Variants in ACTR3C observed in about 807,000 individuals in gnomAD.
ACTR3C encodes actin related protein 3C.
ACTR3C carries 18 observed loss-of-function variants against 26.3 expected under a neutral mutation model. The ratio of observed to expected loss-of-function variants is 0.68; its 90% CI spans 0.47 to 1.01. The LOEUF (loss-of-function observed/expected upper bound fraction) is 1.01, where lower values mean the gene tolerates loss of function less well. Ranked by LOEUF, ACTR3C falls within the 50% of genes least tolerant of loss-of-function variation. ACTR3C has a pLI of 0.00. For synonymous variants in ACTR3C, 55 were observed against 94.5 expected, an observed-to-expected ratio of 0.58 and a Z score of 2.42; for missense variants, 184 against 250.7, an observed-to-expected ratio of 0.73 and a Z score of 1.80.
Position 150,300,280 on chromosome 7 carries a change from A to G in ACTR3C, c.-51-4933T>C, listed in dbSNP as rs546804406. Reference sequence around the variant, plus strand: ...GGCAGGGGAATTGCTTGAACCCGGGAGGCGGAGGTTGCGGTGAGCTGAGAT... The same window carrying G: ...GGCAGGGGAATTGCTTGAACCCGGGGGGCGGAGGTTGCGGTGAGCTGAGAT... On this transcript the variant is annotated intron_variant, in intron 1 of 7. Transcript: ENST00000683684. Among the ~76,000 whole-genome samples, 348 of 152,192 alleles carry G rather than the reference A, an allele frequency of 2.3e-3. 1 individual carries two copies. The highest frequency in any genetic ancestry group is 8.0e-3 in the African/African-American group (334 of 41,512).
the ACTR3C span, among the ~76,000 whole-genome samples, chr7:150,071,008 A>T: frequency 1.4e-5 from 2 of 143,478 alleles, no homozygotes; most frequent in African/African-American, 2.6e-5. Context: ...GTTAGCCAGG[A>T]TGGTCTCGAT....
the ACTR3C span, among the ~76,000 whole-genome samples, chr7:150,080,517 T>G: frequency 0.74 from 110,514 of 148,924 alleles, 40,417 homozygotes; most frequent in East Asian, 0.81. Context: ...GTATGAGTGT[T>G]TGTGTGTGTA....
At chr7:150,064,352 C>G in the ACTR3C span, among the ~76,000 whole-genome samples, 3 of 146,654 alleles carry the variant, frequency 2.0e-5, no homozygotes, top group African/African-American at 7.6e-5. Flanking sequence ...GTCAGGAGTT[C>G]GAGACCAGCC....
intron 1 of ACTR3C, among the ~76,000 whole-genome samples, chr7:150,296,578 T>C (rs943045211): frequency 8.6e-4 from 128 of 148,528 alleles, no homozygotes; most frequent in Non-Finnish European, 1.7e-3. Context: ...AATATGGGTC[T>C]ATATCTCGTA....
Position 150,250,309 on chromosome 7 carries a change from C to T in ACTR3C, c.565-1255G>A, listed in dbSNP as rs1382337949. Among the ~76,000 whole-genome samples the T allele has an allele frequency of 4.2e-3, 626 of 150,118 alleles. 6 individuals carry two copies. The highest frequency in any genetic ancestry group is 5.5e-3 in the Non-Finnish European group (374 of 67,728). On this transcript the variant is annotated intron_variant, in intron 6 of 7. Transcript: ENST00000683684. ...AGCTCTGCCTCCCGGGTTCACGCCA[C>T]TCTCCTGCCTCAGCCTCCCGAGTAG...
chr7:150,100,535 C>T, the ACTR3C span, among the ~76,000 whole-genome samples: 9 of 151,796 alleles, frequency 5.9e-5, no homozygotes, highest in Non-Finnish European at 1.2e-4. Context: ...AATCATAAAA[C>T]ATATTTGTGC....
intron 1 of ACTR3C, among the ~76,000 whole-genome samples, chr7:150,319,506 C>T (rs1330047173): frequency 6.6e-6 from 1 of 152,130 alleles, no homozygotes; most frequent in African/African-American, 2.4e-5. Context: ...CTCGCCTGGC[C>T]CAGAACAAAC....
chr7:150,213,188 T>A, the ACTR3C span, among the ~76,000 whole-genome samples: 2 of 152,114 alleles, frequency 1.3e-5, no homozygotes, highest in African/African-American at 4.8e-5. Context: ...TTAAAAAAAA[T>A]TCCCTTCTTA....
chr7:150,186,782 TAATA>T, the ACTR3C span, among the ~76,000 whole-genome samples: 52 of 152,322 alleles, frequency 3.4e-4, no homozygotes, highest in South Asian at 3.1e-3. Context: ...AATACTTGTT[TAATA>T]AATAAATGCC....
At chr7:149,957,900 G>A in the ACTR3C span, among the ~76,000 whole-genome samples, 6 of 152,092 alleles carry the variant, frequency 3.9e-5, no homozygotes, top group Non-Finnish European at 5.9e-5. Context: ...GAAGAGAGCC[G>A]CATAAATGGA....
chr7:150,178,922 A>G, the ACTR3C span, among the ~76,000 whole-genome samples: 25,613 of 149,964 alleles, frequency 0.17, 4,813 homozygotes, highest in African/African-American at 0.42. Flanking sequence ...TCTACAGACT[A>G]CTTAATTTTG....
At chr7:150,067,918 G>A in the ACTR3C span, among the ~76,000 whole-genome samples, 7 of 151,644 alleles carry the variant, frequency 4.6e-5, no homozygotes, top group Non-Finnish European at 8.8e-5. Context: ...ACAAAAATGA[G>A]ACAGAAAAAA....
chr7:150,202,936 G>A, the ACTR3C span, among the ~76,000 whole-genome samples: 5 of 152,182 alleles, frequency 3.3e-5, no homozygotes, highest in African/African-American at 1.2e-4. Context: ...TCTAACCCCA[G>A]TTCAAAGAAA....
At chr7:149,956,450 T>C in the ACTR3C span, among the ~76,000 whole-genome samples, 1 of 152,110 alleles carries the variant, frequency 6.6e-6, no homozygotes, top group African/African-American at 2.4e-5. Context: ...CAAAATGGAT[T>C]CCTAAGAGAA....
At chr7:150,042,443 T>C in the ACTR3C span, among the ~76,000 whole-genome samples, 1 of 142,538 alleles carries the variant, frequency 7.0e-6, no homozygotes, top group Non-Finnish European at 1.5e-5. Context: ...TCCCCTGTGA[T>C]GAGGGTGCAA....
At chr7:150,196,697 T>C in the ACTR3C span, among the ~76,000 whole-genome samples, 2 of 152,182 alleles carry the variant, frequency 1.3e-5, no homozygotes, top group African/African-American at 4.8e-5. Flanking sequence ...GGCTTTTTTT[T>C]CCTACTCCTT....
chr7:150,300,196 C>G (rs899635129), intron 1 of ACTR3C, among the ~76,000 whole-genome samples: 2 of 151,996 alleles, frequency 1.3e-5, no homozygotes, highest in East Asian at 1.9e-4. Context: ...ACTAAAAATA[C>G]AAAAATTAGC....
At chr7:150,143,629 C>A in the ACTR3C span, among the ~76,000 whole-genome samples, 40 of 152,312 alleles carry the variant, frequency 2.6e-4, no homozygotes, top group African/African-American at 9.4e-4. Context: ...TTCCACTTTC[C>A]TGATATTCTG....
At chr7:150,321,133 A>G (rs1265134857) in intron 1 of ACTR3C, among the ~76,000 whole-genome samples, 1 of 152,180 alleles carries the variant, frequency 6.6e-6, no homozygotes, top group African/African-American at 2.4e-5. Context: ...GCTTGTGTTC[A>G]GCAAAAATCT....
Sources: allele counts gnomAD v4.1 joint callset (sites outside exome capture counted in the v4.1 genomes callset), GRCh38; gene constraint gnomAD v4.1.1; transcripts MANE v1.5; gene names NCBI Gene and HGNC (gene_info 2026-07-23, HGNC 2026-07-21).